FRMD4A: variants seen among roughly 807,000 people sequenced by gnomAD.
FRMD4A encodes the protein FERM domain containing 4A, also known as FERM domain-containing protein 4A.
Under a neutral mutation model 129.1 loss-of-function variants are expected in FRMD4A, and 29 were observed. That is an observed-to-expected ratio of 0.22 (90% CI 0.17 to 0.31). The LOEUF (loss-of-function observed/expected upper bound fraction) is 0.31, where lower values mean the gene tolerates loss of function less well. Among genes scored for constraint, FRMD4A ranks in the 10% least tolerant of loss-of-function variants. The pLI, the probability that FRMD4A is intolerant of heterozygous loss-of-function variation, is 1.00. For missense variants in FRMD4A, 1,272 were observed against 1,375.8 expected (o/e 0.92, Z 1.19); for synonymous variants, 634 against 571.6 (o/e 1.11, Z -1.56).
At chr10:13,922,462 G>T (rs945185499) in intron 2 of FRMD4A, among the ~76,000 whole-genome samples, 1 of 152,120 alleles carries the variant, frequency 6.6e-6, no homozygotes, top group Non-Finnish European at 1.5e-5. Flanking sequence ...ACACAAAGAG[G>T]TTAAATGACT....
intron 19 of FRMD4A, among the ~76,000 whole-genome samples, chr10:13,661,517 C>G (rs2082637519): frequency 6.6e-6 from 1 of 152,164 alleles, no homozygotes; most frequent in African/African-American, 2.4e-5. Flanking sequence ...CCATGTGAGC[C>G]AAGAGCCCGA....
intron 2 of FRMD4A, among the ~76,000 whole-genome samples, chr10:13,983,200 A>T (rs1243957193): frequency 2.6e-5 from 4 of 152,154 alleles, no homozygotes; most frequent in Middle Eastern, 3.2e-3. Flanking sequence ...ACAGAGGCCA[A>T]GTGTCCCATA....
At chr10:13,680,056 G>C (rs1402365237) in intron 15 of FRMD4A, among the ~76,000 whole-genome samples, 1 of 152,206 alleles carries the variant, frequency 6.6e-6, no homozygotes, top group African/African-American at 2.4e-5. Flanking sequence ...GAAATCAAGA[G>C]GTGGAGGTTC....
intron 3 of FRMD4A, among the ~76,000 whole-genome samples, chr10:13,813,395 C>A (rs1325650544): frequency 6.6e-6 from 1 of 152,198 alleles, no homozygotes; most frequent in African/African-American, 2.4e-5. Context: ...GAGTAGAGAT[C>A]ACGTCACTGC....
rs2080983760 is a variant in FRMD4A at position 13,644,340 on chromosome 10, T to C, written c.*2698A>G. ...AGAGTTTGCAAGTGCTTGTGTACAA[T>C]AACTACATCATTTCCCACCACACTG... is the stretch of plus-strand genomic sequence containing the variant. On this transcript the variant is annotated 3_prime_UTR_variant, in exon 25 of 25. Coordinates refer to ENST00000357447, the MANE Select transcript of FRMD4A (RefSeq NM_018027.5). 6.6e-6 allele frequency: 1 copy of C among 152,220 alleles called. No individual in the cohort carries two copies. The allele number at this position is 152,220 out of a possible 1,614,324, so 9.4% of individuals were successfully genotyped here. A position where few individuals can be genotyped will look rare whatever the true frequency, so the allele number is the denominator to read the frequency against.
intron 2 of FRMD4A, among the ~76,000 whole-genome samples, chr10:14,309,771 C>T (rs562619803): frequency 2.0e-5 from 3 of 152,226 alleles, no homozygotes; most frequent in African/African-American, 7.2e-5. Flanking sequence ...GATCAGCCCA[C>T]GACCATTTCC....
At chr10:14,073,414 C>T (rs1432171166) in intron 2 of FRMD4A, among the ~76,000 whole-genome samples, 1 of 152,100 alleles carries the variant, frequency 6.6e-6, no homozygotes, top group Non-Finnish European at 1.5e-5. Context: ...TGTCCCATTC[C>T]TTGAGTTCCT....
intron 2 of FRMD4A, among the ~76,000 whole-genome samples, chr10:13,869,331 C>T (rs1342823429): frequency 2.0e-5 from 3 of 152,210 alleles, no homozygotes; most frequent in African/African-American, 4.8e-5. Flanking sequence ...TATGGCATCT[C>T]GCTGAAGAGG....
chr10:13,706,751 C>CAT (rs2087485808), intron 13 of FRMD4A, among the ~76,000 whole-genome samples: 1 of 126,614 alleles, frequency 7.9e-6, no homozygotes. Flanking sequence ...CATACACTGA[C>CAT]ACACACACAC....
chr10:14,240,944 T>C (rs916313027), intron 2 of FRMD4A, among the ~76,000 whole-genome samples: 4 of 152,140 alleles, frequency 2.6e-5, no homozygotes, highest in African/African-American at 9.7e-5. Flanking sequence ...CGGGCAATTT[T>C]GTATTCAGAT....
intron 3 of FRMD4A, among the ~76,000 whole-genome samples, chr10:13,825,231 A>G (rs1215658014): frequency 2.0e-5 from 3 of 152,246 alleles, no homozygotes; most frequent in East Asian, 3.8e-4. Context: ...TATGAAATCA[A>G]GTAAGGTTGA....
chr10:14,041,261 A>G (rs373321212), intron 2 of FRMD4A, among the ~76,000 whole-genome samples: 1 of 152,266 alleles, frequency 6.6e-6, no homozygotes, highest in East Asian at 1.9e-4. Context: ...AATTCTTCTG[A>G]GCTGCTTTTA....
At chr10:13,873,324 T>C (rs190979051) in intron 2 of FRMD4A, among the ~76,000 whole-genome samples, 5 of 148,094 alleles carry the variant, frequency 3.4e-5, no homozygotes, top group Non-Finnish European at 4.4e-5. Context: ...ATAGTTCATA[T>C]GGGATGGTGA....
intron 2 of FRMD4A, among the ~76,000 whole-genome samples, chr10:14,275,662 G>A (rs946772852): frequency 1.3e-5 from 2 of 152,182 alleles, no homozygotes; most frequent in African/African-American, 2.4e-5. Context: ...AGATGGTCAA[G>A]GTGGTTAACT....
chr10:14,238,844 C>T (rs888961253), intron 2 of FRMD4A, among the ~76,000 whole-genome samples: 13 of 152,150 alleles, frequency 8.5e-5, no homozygotes, highest in African/African-American at 2.7e-4. Context: ...TCATCCATGT[C>T]CCTGCAAAGG....
At chr10:14,328,648 G>A (rs914109448) in intron 2 of FRMD4A, among the ~76,000 whole-genome samples, 2 of 151,240 alleles carry the variant, frequency 1.3e-5, no homozygotes, top group South Asian at 2.1e-4. Context: ...GTGTGTGTGT[G>A]TGTGTGTGTG....
At chr10:13,961,284 A>G (rs1460379385) in intron 2 of FRMD4A, among the ~76,000 whole-genome samples, 1 of 152,200 alleles carries the variant, frequency 6.6e-6, no homozygotes. Flanking sequence ...CTGCAGGACA[A>G]TCATTCACTG....
intron 3 of FRMD4A, among the ~76,000 whole-genome samples, chr10:13,843,369 T>C (rs1325522576): frequency 6.6e-6 from 1 of 152,206 alleles, no homozygotes; most frequent in Non-Finnish European, 1.5e-5. Context: ...TGTGAGTGAC[T>C]GCTTCAGACA....
At chr10:13,775,406 C>G (rs933292106) in intron 6 of FRMD4A, among the ~76,000 whole-genome samples, 1 of 152,158 alleles carries the variant, frequency 6.6e-6, no homozygotes, top group Non-Finnish European at 1.5e-5. Context: ...AGAGCAACGC[C>G]TTTGGTATTC....
Sources: allele counts gnomAD v4.1 joint callset (sites outside exome capture counted in the v4.1 genomes callset), GRCh38; gene constraint gnomAD v4.1.1; transcripts MANE v1.5; gene names NCBI Gene and HGNC (gene_info 2026-07-23, HGNC 2026-07-21).